Variants in RAB3IL1 observed in about 807,000 individuals in gnomAD.
RAB3IL1 encodes RAB3A interacting protein like 1.
A neutral mutation model predicts 49.2 loss-of-function variants in RAB3IL1; 37 were observed. The ratio of observed to expected loss-of-function variants is 0.75; its 90% CI spans 0.58 to 0.99. RAB3IL1 has a LOEUF of 0.99. RAB3IL1 is among the 50% of genes least tolerant of loss of function. The probability of loss-of-function intolerance (pLI) is 0.00; values close to 1 mark genes in which losing one functional copy is unlikely to be tolerated. For synonymous variants in RAB3IL1, 193 were observed against 213.9 expected, an observed-to-expected ratio of 0.90 and a Z score of 0.85; for missense variants, 484 against 513.0, an observed-to-expected ratio of 0.94 and a Z score of 0.55.
chr11:61,903,936 C>G (rs1007735961), intron 7 of RAB3IL1, among the ~76,000 whole-genome samples: 1 of 152,190 alleles, frequency 6.6e-6, no homozygotes, highest in Non-Finnish European at 1.5e-5. Context: ...CCCTGTCCCC[C>G]CACTGCTTAG....
chr11:61,921,765 A>G (rs1438750335), upstream of RAB3IL1, among the ~76,000 whole-genome samples: 1 of 152,148 alleles, frequency 6.6e-6, no homozygotes, highest in Non-Finnish European at 1.5e-5. Flanking sequence ...TTTGGCCCAA[A>G]TTCTCATCCT....
intron 1 of RAB3IL1, among the ~76,000 whole-genome samples, chr11:61,914,812 A>T (rs573941979): frequency 8.9e-4 from 136 of 152,226 alleles, no homozygotes; most frequent in African/African-American, 3.2e-3. Context: ...CAGAAACATC[A>T]CTGGCCCCGC....
chr11:61,943,495 T>C, the RAB3IL1 span, among the ~76,000 whole-genome samples: 4 of 152,308 alleles, frequency 2.6e-5, no homozygotes, highest in East Asian at 7.7e-4. Flanking sequence ...AAAACTTTCA[T>C]GCATCAAGGA....
Position 61,917,466 on chromosome 11 carries a change from G to T in RAB3IL1, c.-99C>A. 8.6e-7 allele frequency: 1 copy of T among 1,160,028 alleles called. No homozygotes were observed. Among genetic ancestry groups the T allele is most frequent in the Non-Finnish European group, 1.1e-6 (1 of 943,186 alleles). 71.9% of individuals were successfully genotyped at this position (1,160,028 alleles called of 1,614,324 possible). Reference sequence around the variant, plus strand: ...CGCCGACTCCGCCAGGGGCCGAGCCGCCCCACCGCCTGTCAGCCCTGCCCG... The same window carrying T: ...CGCCGACTCCGCCAGGGGCCGAGCCTCCCCACCGCCTGTCAGCCCTGCCCG... On this transcript the variant is annotated 5_prime_UTR_variant, in exon 1 of 10. Transcript: ENST00000394836.
chr11:61,907,696 C>T (rs1485332661), intron 2 of RAB3IL1, 36 bp from the exon 3 acceptor site: 1 of 1,596,692 alleles, frequency 6.3e-7, no homozygotes, highest in East Asian at 2.2e-5. Context: ...AGCACCTCAG[C>T]ATCCCCAGGC....
chr11:61,934,802 C>A, the RAB3IL1 span, among the ~76,000 whole-genome samples: 8 of 151,996 alleles, frequency 5.3e-5, no homozygotes, highest in Non-Finnish European at 1.2e-4. Context: ...AGATTTTTAT[C>A]ACTGTTCTAG....
At chr11:61,899,074 C>T in intron 9 of RAB3IL1, 1 of 577,290 alleles carries the variant, frequency 1.7e-6, no homozygotes, top group Non-Finnish European at 3.2e-6. Context: ...ACAGGGGTGG[C>T]CCCCTTGTGC....
the RAB3IL1 span, among the ~76,000 whole-genome samples, chr11:61,930,972 A>G: frequency 6.6e-6 from 1 of 152,214 alleles, no homozygotes; most frequent in African/African-American, 2.4e-5. Context: ...ACAGGGGAAA[A>G]TAGACACATC....
At chr11:61,924,210 G>A (rs976615953), upstream of RAB3IL1, among the ~76,000 whole-genome samples, 4 of 152,160 alleles carry the variant, frequency 2.6e-5, no homozygotes, top group African/African-American at 4.8e-5. Flanking sequence ...GGTACAGAGC[G>A]GGGCTAGCAG....
At chr11:61,933,562 A>T in the RAB3IL1 span, among the ~76,000 whole-genome samples, 8 of 152,176 alleles carry the variant, frequency 5.3e-5, no homozygotes, top group Middle Eastern at 3.4e-3. Context: ...AATTATCATT[A>T]AAAAAAGTAA....
At chr11:61,923,839 G>C (rs1051835959), upstream of RAB3IL1, among the ~76,000 whole-genome samples, 1 of 152,204 alleles carries the variant, frequency 6.6e-6, no homozygotes, top group Non-Finnish European at 1.5e-5. Flanking sequence ...TCAAGCAGGA[G>C]GGAAAGAGGA....
At chr11:61,943,288 C>T in the RAB3IL1 span, among the ~76,000 whole-genome samples, 1 of 152,010 alleles carries the variant, frequency 6.6e-6, no homozygotes, top group African/African-American at 2.4e-5. Context: ...TAGCTACATG[C>T]AAAAGAAGAA....
chr11:61,906,730 C>A lies in RAB3IL1; in HGVS notation c.439-46G>T. ...GTCAACCCTCACCCAGACTGGATGCCATCCTGGCTGCCACCGCCTATCAGC... is the reference window on the plus strand; with the variant it reads ...GTCAACCCTCACCCAGACTGGATGCAATCCTGGCTGCCACCGCCTATCAGC... On this transcript the variant is annotated intron_variant, in intron 4 of 9. Coordinates refer to ENST00000394836, the MANE Select transcript of RAB3IL1 (RefSeq NM_013401.4). The surrounding 1 kb of genome is among the most constrained non-coding windows in gnomAD (Gnocchi z 4.6). 1 of 1,539,720 alleles carries A rather than the reference C, an allele frequency of 6.5e-7. No homozygotes were observed. Among genetic ancestry groups the A allele is most frequent in the South Asian group, 1.2e-5 (1 of 85,220 alleles).
chr11:61,913,436 G>A (rs990829362), intron 1 of RAB3IL1, among the ~76,000 whole-genome samples: 4 of 152,128 alleles, frequency 2.6e-5, no homozygotes, highest in African/African-American at 9.7e-5. Context: ...TGGGGGAGAA[G>A]GTCAGGAACA....
chr11:61,906,818 C>T lies in RAB3IL1; in HGVS notation c.439-134G>A, dbSNP rs891205730. The T allele has an allele frequency of 7.1e-6, 6 of 848,484 alleles. No homozygotes were observed. The African/African-American group carries it at 8.3e-5, about 12-fold the overall frequency. The allele number at this position is 848,484 out of a possible 1,614,324, so 52.6% of individuals were successfully genotyped here. ...TTAGTCCCACCCGACGCCCTCAGAA[C>T]AGCCTTCGAGGCAGAGACCCAGACA... On this transcript the variant is annotated intron_variant, in intron 4 of 9. Transcript: ENST00000394836. The surrounding 1 kb of genome is among the most constrained non-coding windows in gnomAD (Gnocchi z 4.6).
intron 7 of RAB3IL1, 81 bp downstream of exon 7, chr11:61,904,465 G>T: frequency 1.5e-6 from 2 of 1,352,702 alleles, no homozygotes; most frequent in South Asian, 1.2e-5. Flanking sequence ...GCTGCATCCT[G>T]ACCACCCCTC....
the RAB3IL1 span, among the ~76,000 whole-genome samples, chr11:61,938,284 C>G: frequency 6.6e-6 from 1 of 152,098 alleles, no homozygotes; most frequent in South Asian, 2.1e-4. Context: ...ACCTGTAGTC[C>G]CAGCTACTCA....
the RAB3IL1 span, among the ~76,000 whole-genome samples, chr11:61,925,583 CAACA>C: frequency 6.6e-6 from 1 of 150,900 alleles, no homozygotes; most frequent in Non-Finnish European, 1.5e-5. Flanking sequence ...TGCAGTGAGC[CAACA>C]TCACACCACT....
At chr11:61,933,763 G>T in the RAB3IL1 span, among the ~76,000 whole-genome samples, 12 of 151,992 alleles carry the variant, frequency 7.9e-5, no homozygotes, top group African/African-American at 2.7e-4. Context: ...ACGGCAACAT[G>T]GCGAAACCCT....
Sources: allele counts gnomAD v4.1 joint callset (sites outside exome capture counted in the v4.1 genomes callset), GRCh38; gene constraint gnomAD v4.1.1; non-coding constraint Gnocchi (gnomAD v3.1); transcripts MANE v1.5; gene names NCBI Gene and HGNC (gene_info 2026-07-23, HGNC 2026-07-21).